CDH20: variants seen among roughly 807,000 people sequenced by gnomAD.
CDH20 encodes the protein cadherin 20.
In CDH20, 29 loss-of-function variants were observed where a neutral mutation model predicts 74.2. The ratio of observed to expected loss-of-function variants is 0.39; its 90% CI spans 0.29 to 0.53. CDH20 has a LOEUF of 0.53. Among genes scored for constraint, CDH20 ranks in the 20% least tolerant of loss-of-function variants. The pLI is 0.69. For missense variants in CDH20, 988 were observed against 1,048.3 expected (o/e 0.94, Z 0.79); for synonymous variants, 469 against 405.4 (o/e 1.16, Z -1.88).
At chr18:61,490,088 G>A (rs988328563) in intron 1 of CDH20, among the ~76,000 whole-genome samples, 6 of 152,024 alleles carry the variant, frequency 3.9e-5, no homozygotes, top group African/African-American at 1.2e-4. Context: ...ATTTCAAAGA[G>A]CACACTATTA....
chr18:61,483,668 G>A (rs1041745770), intron 1 of CDH20, among the ~76,000 whole-genome samples: 1 of 152,116 alleles, frequency 6.6e-6, no homozygotes, highest in Non-Finnish European at 1.5e-5. Context: ...CTCCTTGAAG[G>A]AGGAAAAGGA....
intron 1 of CDH20, among the ~76,000 whole-genome samples, chr18:61,437,694 A>G (rs1246532506): frequency 1.3e-5 from 2 of 152,158 alleles, no homozygotes; most frequent in African/African-American, 2.4e-5. Context: ...TGGCATTCAC[A>G]TTACCTTAAG....
intron 1 of CDH20, among the ~76,000 whole-genome samples, chr18:61,394,192 C>G (rs992822257): frequency 6.6e-6 from 1 of 152,160 alleles, no homozygotes; most frequent in Non-Finnish European, 1.5e-5. Context: ...GTGCTCAGAA[C>G]AGATTCCCAA....
chr18:61,438,889 T>C (rs1050523367), intron 1 of CDH20, among the ~76,000 whole-genome samples: 1 of 151,978 alleles, frequency 6.6e-6, no homozygotes, highest in Non-Finnish European at 1.5e-5. Flanking sequence ...ATAAAGAAAA[T>C]GTGGTACATA....
Position 61,554,336 on chromosome 18 carries a change from A to G in CDH20, c.2047A>G (p.Met683Val). ...CACCGAGGCCTTCGACATCGCGGCC[A>G]TGTGGAACCCCCGGGAGGCGCAGGC... ...EDTEAFDIAA[M>V]WNPREAQAGA... The change falls in exon 12 of 12, where the codon ATG becomes GTG. Residue 683 changes from methionine (M) to valine (V), a missense_variant. Coordinates refer to ENST00000262717, the MANE Select transcript of CDH20 (RefSeq NM_031891.4). 1 of 1,613,630 alleles carries G rather than the reference A, an allele frequency of 6.2e-7. No individual in the cohort carries two copies. The highest frequency in any genetic ancestry group is 8.5e-7 in the Non-Finnish European group (1 of 1,179,946).
At chr18:61,528,446 G>GACACACATACACACAC (rs370479851) in intron 7 of CDH20, among the ~76,000 whole-genome samples, 2,446 of 97,660 alleles carry the variant, frequency 0.025, 65 homozygotes, top group African/African-American at 0.059. Flanking sequence ...AATTGGTTGA[G>GACACACATACACACAC]ACACACACAC....
chr18:61,542,619 G>A (rs1443290550), intron 9 of CDH20, among the ~76,000 whole-genome samples: 1 of 152,182 alleles, frequency 6.6e-6, no homozygotes, highest in African/African-American at 2.4e-5. Flanking sequence ...GTGACCATGG[G>A]TGTCTCAGTC....
chr18:61,399,522 A>G (rs1348242855), intron 1 of CDH20, among the ~76,000 whole-genome samples: 1 of 152,126 alleles, frequency 6.6e-6, no homozygotes. Flanking sequence ...TGTTCAGCTC[A>G]CTGGATCAAA....
chr18:61,511,598 A>T (rs566198440), intron 6 of CDH20, among the ~76,000 whole-genome samples: 29 of 152,202 alleles, frequency 1.9e-4, no homozygotes, highest in Admixed American at 1.9e-3. Context: ...TGTCTGAGAT[A>T]ATTCTAAATA....
intron 1 of CDH20, among the ~76,000 whole-genome samples, chr18:61,474,927 ATAGTTT>A (rs1244257174): frequency 1.3e-5 from 2 of 152,224 alleles, no homozygotes; most frequent in Admixed American, 6.5e-5. Flanking sequence ...TACAGCATTT[ATAGTTT>A]ATCAGAGGGA....
At chr18:61,487,385 T>C (rs2144290165) in intron 1 of CDH20, among the ~76,000 whole-genome samples, 1 of 152,348 alleles carries the variant, frequency 6.6e-6, no homozygotes, top group East Asian at 1.9e-4. Flanking sequence ...AAAAGAATAA[T>C]GCGACTATTG....
chr18:61,516,341 T>C (rs745379761), intron 6 of CDH20, among the ~76,000 whole-genome samples: 31 of 152,232 alleles, frequency 2.0e-4, no homozygotes, highest in Admixed American at 6.5e-4. Context: ...AATAAAAATC[T>C]GACTAAGTCA....
chr18:61,510,407 A>G (rs1911737349), intron 6 of CDH20, among the ~76,000 whole-genome samples: 1 of 152,254 alleles, frequency 6.6e-6, no homozygotes, highest in South Asian at 2.1e-4. Context: ...TAAGAACATC[A>G]GGAATTCACC....
At position 61,395,046 on chromosome 18, in the gene CDH20, C is replaced by T. The variant is rs1374237532; in HGVS notation, c.-153+61219C>T. Among the ~76,000 whole-genome samples, 3 of 152,092 alleles carry T rather than the reference C, an allele frequency of 2.0e-5. 1 individual carries two copies. The highest frequency in any genetic ancestry group is 4.2e-4 in the South Asian group (2 of 4,818). On this transcript the variant is annotated intron_variant, in intron 1 of 11. Coordinates refer to ENST00000262717, the MANE Select transcript of CDH20 (RefSeq NM_031891.4). ...CATTCACACTCCTCATGCCTCAAGGCCAAGACTTTGAGTTGTTCAAGACTA... is the reference window on the plus strand; with the variant it reads ...CATTCACACTCCTCATGCCTCAAGGTCAAGACTTTGAGTTGTTCAAGACTA...
intron 1 of CDH20, among the ~76,000 whole-genome samples, chr18:61,378,331 C>A (rs2144173596): frequency 6.6e-6 from 1 of 152,054 alleles, no homozygotes; most frequent in African/African-American, 2.4e-5. Flanking sequence ...AACTAGAGAC[C>A]CAGAAGACTA....
chr18:61,345,222 A>C (rs1398763925), intron 1 of CDH20, among the ~76,000 whole-genome samples: 2 of 152,338 alleles, frequency 1.3e-5, no homozygotes, highest in East Asian at 3.9e-4. Flanking sequence ...CATGCACTTA[A>C]ACGTTTATGG....
In CDH20 at chr18:61,420,433, C is replaced by A. The variant is rs571314460; in HGVS notation, c.-152-69969C>A. Among the ~76,000 whole-genome samples, 15 of 151,542 alleles carry A rather than the reference C, an allele frequency of 9.9e-5. No individual in the cohort carries two copies. The South Asian group carries it at 3.1e-3, about 32-fold the overall frequency. ...GGCTATGGAGTAACTATACTGTGAC[C>A]TAACACACTTTGCTTCCCTGCAAAT... On this transcript the variant is annotated intron_variant, in intron 1 of 11. Coordinates refer to ENST00000262717, the MANE Select transcript of CDH20 (RefSeq NM_031891.4).
chr18:61,487,303 C>G (rs1464217491), intron 1 of CDH20, among the ~76,000 whole-genome samples: 1 of 152,176 alleles, frequency 6.6e-6, no homozygotes, highest in Non-Finnish European at 1.5e-5. Context: ...TGAGAACCAC[C>G]TCATTTATAA....
intron 1 of CDH20, among the ~76,000 whole-genome samples, chr18:61,418,022 A>G (rs896472586): frequency 6.6e-6 from 1 of 152,220 alleles, no homozygotes; most frequent in African/African-American, 2.4e-5. Flanking sequence ...GACTTGAAAT[A>G]ATCATAATAA....
Sources: gnomAD v4.1 joint callset for allele counts (sites outside exome capture counted in the v4.1 genomes callset) on GRCh38, gnomAD v4.1.1 for gene constraint, MANE v1.5 for transcripts, NCBI Gene and HGNC (gene_info 2026-07-23, HGNC 2026-07-21) for gene names.